GSE1: variants seen among roughly 807,000 people sequenced by gnomAD.
GSE1 encodes the protein genetic suppressor element 1.
Under a neutral mutation model 112.6 loss-of-function variants are expected in GSE1, and 32 were observed. That is an observed-to-expected ratio of 0.28 (90% CI 0.21 to 0.38). GSE1 has a LOEUF of 0.38. Ranked by LOEUF, GSE1 falls within the 10% of genes least tolerant of loss-of-function variation. The probability of loss-of-function intolerance (pLI) is 1.00; values close to 1 mark genes in which losing one functional copy is unlikely to be tolerated. For missense variants in GSE1, 2,348 were observed against 1,699.2 expected (o/e 1.38, Z -6.71); for synonymous variants, 1,115 against 735.6 (o/e 1.52, Z -8.35).
intron 1 of GSE1, among the ~76,000 whole-genome samples, chr16:85,273,150 A>C (rs1347846891): frequency 1.3e-5 from 2 of 152,176 alleles, no homozygotes; most frequent in African/African-American, 4.8e-5. Context: ...GGGAGCCTAC[A>C]GGTGGGGGAC....
chr16:85,306,134 G>A (rs894194644), intron 1 of GSE1: 2 of 154,192 alleles, frequency 1.3e-5, no homozygotes, highest in Middle Eastern at 5.1e-4. Context: ...TGGTGATTTG[G>A]TTGCAGCCAG....
At chr16:85,266,024 T>C (rs945233261) in intron 1 of GSE1, among the ~76,000 whole-genome samples, 1 of 152,148 alleles carries the variant, frequency 6.6e-6, no homozygotes, top group African/African-American at 2.4e-5. Context: ...AGTGGAATGA[T>C]GGATTTCAGG....
chr16:85,403,982 AG>A (rs941850144), intron 2 of GSE1, among the ~76,000 whole-genome samples: 1 of 150,884 alleles, frequency 6.6e-6, no homozygotes, highest in Non-Finnish European at 1.5e-5. Flanking sequence ...TGCAGCCTTC[AG>A]GGCAGGCATC....
At chr16:85,664,062 C>CAGAT (rs2052643816) in intron 11 of GSE1, among the ~76,000 whole-genome samples, 1 of 152,274 alleles carries the variant, frequency 6.6e-6, no homozygotes, top group Admixed American at 6.5e-5. Context: ...ACACACTGAG[C>CAGAT]AGATGGCTTG....
In GSE1 at chr16:85,426,462, AAGGG is replaced by A. The variant is rs58336674; in HGVS notation, c.2464+68836_2464+68839del. 8.4e-3 allele frequency among the ~76,000 whole-genome samples: 757 copies of A among 90,362 alleles called. 4 individuals carry two copies. The highest frequency in any genetic ancestry group is 0.025 in the African/African-American group (534 of 21,418). 59.3% of individuals were successfully genotyped at this position (90,362 alleles called of 152,430 possible). ...GGTGGAAGGAAGGAAGGAAGGGAGA[AAGGG>A]AGGGAGGGAGGGAGGGTAGATGTGT... On this transcript the variant is annotated intron_variant, in intron 2 of 2. Transcript: ENST00000637419.
chr16:85,348,117 G>T (rs2046779908), intron 1 of GSE1, among the ~76,000 whole-genome samples: 1 of 152,174 alleles, frequency 6.6e-6, no homozygotes, highest in South Asian at 2.1e-4. Flanking sequence ...TTCTGCCCCA[G>T]GCTTCAAGTT....
chr16:85,496,049 C>T lies in GSE1; in HGVS notation c.2465-137865C>T, dbSNP rs182559054. Among the ~76,000 whole-genome samples the T allele has an allele frequency of 3.1e-3, 475 of 152,320 alleles. 1 individual carries two copies. Among genetic ancestry groups the T allele is most frequent in the African/African-American group, 0.011 (456 of 41,566 alleles). ...CCTCGGGAATCGATTGTTCTGCAAG[C>T]CAGAGCTGGATCCCGGGTGCAGAAT... On this transcript the variant is annotated intron_variant, in intron 2 of 2. Transcript: ENST00000637419.
chr16:85,187,057 C>G (rs1426186168), intron 1 of GSE1, among the ~76,000 whole-genome samples: 1 of 152,202 alleles, frequency 6.6e-6, no homozygotes, highest in Non-Finnish European at 1.5e-5. Flanking sequence ...GTGACGCAGC[C>G]ACGCTTGGTG....
At chr16:85,548,996 C>A (rs1335172329) in intron 2 of GSE1, among the ~76,000 whole-genome samples, 1 of 152,078 alleles carries the variant, frequency 6.6e-6, no homozygotes, top group African/African-American at 2.4e-5. Flanking sequence ...CACCATTTGG[C>A]CAGGATGGTC....
intron 1 of GSE1, among the ~76,000 whole-genome samples, chr16:85,226,549 T>C (rs1253102790): frequency 6.6e-6 from 1 of 152,146 alleles, no homozygotes; most frequent in Non-Finnish European, 1.5e-5. Flanking sequence ...CCTACAGCTG[T>C]GTGTCTGCAG....
chr16:85,404,652 C>T lies in GSE1; in HGVS notation c.2464+47009C>T, dbSNP rs1233328656. Among the ~76,000 whole-genome samples, 2 of 52,602 alleles carry T rather than the reference C, an allele frequency of 3.8e-5. 1 individual carries two copies. Among genetic ancestry groups the T allele is most frequent in the African/African-American group, 2.8e-4 (2 of 7,094 alleles). 34.5% of individuals were successfully genotyped at this position (52,602 alleles called of 152,430 possible). On this transcript the variant is annotated intron_variant, in intron 2 of 2. Coordinates refer to the GSE1 transcript ENST00000637419. ...CCCCCCTGGATAATCCTCGCTGTTA[C>T]TCTCAGGGCCCCCTGGATAATCCTC...
rs1304927596 is a variant in GSE1 at position 85,673,342 on chromosome 16, AAAAAC to A, written c.*807_*811del. ...TTGTACTGTGTATATATATTAAAAA[AAAAAC>A]AAAGTTTTGTATGTTTTTATTACTT... On this transcript the variant is annotated 3_prime_UTR_variant, in exon 16 of 16. Coordinates refer to ENST00000253458, the MANE Select transcript of GSE1 (RefSeq NM_014615.5). The A allele has an allele frequency of 1.3e-5, 2 of 152,586 alleles. No homozygotes were observed. The highest frequency in any genetic ancestry group is 1.3e-4 in the Admixed American group (2 of 15,276). 9.5% of individuals were successfully genotyped at this position (152,586 alleles called of 1,614,324 possible).
At chr16:85,409,346 CT>C (rs201553476) in intron 2 of GSE1, among the ~76,000 whole-genome samples, 26 of 38,456 alleles carry the variant, frequency 6.8e-4, no homozygotes, top group East Asian at 2.9e-3. Context: ...CAGGGCCCCC[CT>C]GGATAATCCT....
intron 2 of GSE1, among the ~76,000 whole-genome samples, chr16:85,392,139 T>G (rs1276618128): frequency 6.6e-6 from 1 of 152,150 alleles, no homozygotes; most frequent in African/African-American, 2.4e-5. Context: ...CCTTGATCCT[T>G]GTCCTGGGAT....
At chr16:85,177,250 G>A (rs2074486408) in intron 1 of GSE1, among the ~76,000 whole-genome samples, 1 of 152,248 alleles carries the variant, frequency 6.6e-6, no homozygotes, top group South Asian at 2.1e-4. Context: ...AGATCTCTCA[G>A]GATCTCACCC....
chr16:85,282,153 G>A lies in GSE1; in HGVS notation c.2284-75310G>A, dbSNP rs180846769. On this transcript the variant is annotated intron_variant, in intron 1 of 2. Transcript: ENST00000637419. ...AGTGATTCTCCTGCCTCAGCCTCTCGAGTAGCTGGGACTACAGGCGTGCAC... is the reference window on the plus strand; with the variant it reads ...AGTGATTCTCCTGCCTCAGCCTCTCAAGTAGCTGGGACTACAGGCGTGCAC... Among the ~76,000 whole-genome samples the A allele has an allele frequency of 1.1e-3, 169 of 151,860 alleles. 1 individual carries two copies. Among genetic ancestry groups the A allele is most frequent in the African/African-American group, 3.5e-3 (145 of 41,392 alleles).
At chr16:85,520,412 T>C (rs1237803083) in intron 2 of GSE1, among the ~76,000 whole-genome samples, 1 of 151,810 alleles carries the variant, frequency 6.6e-6, no homozygotes, top group African/African-American at 2.4e-5. Context: ...GGAGGGATCT[T>C]TCCAGCCCTG....
chr16:85,261,078 C>A (rs1907636529), intron 1 of GSE1, among the ~76,000 whole-genome samples: 1 of 152,212 alleles, frequency 6.6e-6, no homozygotes, highest in African/African-American at 2.4e-5. Flanking sequence ...CACCAGGCCT[C>A]ACCCAGTGCT....
Position 85,665,012 on chromosome 16 carries a change from T to C in GSE1, c.2645-3T>C, listed in dbSNP as rs1279400696. On this transcript the variant is annotated splice_region_variant and splice_polypyrimidine_tract_variant and intron_variant, in intron 11 of 15. Transcript: ENST00000253458. The stretch of plus-strand genomic sequence containing the variant: ...CGTTAATCTCAGGCTGCTTTTCTCA[T>C]AGACAAAGAGAGACTTGTTGAAATG... The C allele has an allele frequency of 7.6e-6, 12 of 1,582,910 alleles. No homozygotes were observed. Among genetic ancestry groups the C allele is most frequent in the Admixed American group, 1.7e-5 (1 of 59,928 alleles).
Sources: allele counts gnomAD v4.1 joint callset (sites outside exome capture counted in the v4.1 genomes callset), GRCh38; gene constraint gnomAD v4.1.1; transcripts MANE v1.5; gene names NCBI Gene and HGNC (gene_info 2026-07-23, HGNC 2026-07-21).